Variants in PCMT1 observed in about 807,000 individuals in gnomAD.
PCMT1 encodes protein-L-isoaspartate(D-aspartate) O-methyltransferase.
PCMT1 carries 9 observed loss-of-function variants against 29.2 expected under a neutral mutation model. The observed-to-expected ratio is 0.31, with a 90% CI of 0.19 to 0.54. PCMT1 has a LOEUF of 0.54. PCMT1 is among the 20% of genes least tolerant of loss of function. The pLI is 0.95. For missense variants in PCMT1, 184 were observed against 282.2 expected, an observed-to-expected ratio of 0.65 and a Z score of 2.49; for synonymous variants, 98 against 97.5, an observed-to-expected ratio of 1.00 and a Z score of -0.03.
At chr6:149,798,680 T>C (rs1788709124) in intron 6 of PCMT1, among the ~76,000 whole-genome samples, 1 of 152,126 alleles carries the variant, frequency 6.6e-6, no homozygotes, top group South Asian at 2.1e-4. Context: ...TGTGTGAAGA[T>C]AGAAAGCAGA....
In PCMT1 at chr6:149,763,195, GAT is replaced by G. The variant is rs1171565977; in HGVS notation, c.56-7958_56-7957del. Among the ~76,000 whole-genome samples, 9 of 88,290 alleles carry G rather than the reference GAT, an allele frequency of 1.0e-4. 3 individuals carry two copies. Among genetic ancestry groups the G allele is most frequent in the Non-Finnish European group, 1.5e-4 (8 of 52,918 alleles). The allele number at this position is 88,290 out of a possible 152,430, so 57.9% of individuals were successfully genotyped here. On this transcript the variant is annotated intron_variant, in intron 1 of 7. Coordinates refer to ENST00000464889, the MANE Select transcript of PCMT1 (RefSeq NM_001360452.2). Reference sequence around the variant, plus strand: ...TATGATATATATCTATGATATCTATGATATATATATCTATGATATCTATGATA... The same window carrying G: ...TATGATATATATCTATGATATCTATGATATATATCTATGATATCTATGATA...
At chr6:149,758,208 C>CTTTTTTTTTTTTTTTTTTTTT (rs756014067) in intron 1 of PCMT1, among the ~76,000 whole-genome samples, 18 of 73,894 alleles carry the variant, frequency 2.4e-4, no homozygotes, top group Non-Finnish European at 3.5e-4. Flanking sequence ...TTCTTTCTTT[C>CTTTTTTTTTTTTTTTTTTTTT]TTTTTTTTTT....
chr6:149,789,900 A>T, intron 3 of PCMT1, 54 bp from the exon 4 acceptor site: 1 of 1,174,338 alleles, frequency 8.5e-7, no homozygotes, highest in Non-Finnish European at 1.2e-6. Flanking sequence ...CTTTATTTAT[A>T]TACCATGATG....
chr6:149,802,129 A>G (rs1302625306), intron 6 of PCMT1, 71 bp from the exon 7 acceptor site: 7 of 1,176,792 alleles, frequency 5.9e-6, no homozygotes, highest in Non-Finnish European at 8.2e-6. Context: ...ACCCTGTCTC[A>G]AAAATAAATA....
chr6:149,792,995 T>C (rs1320755367), intron 4 of PCMT1, among the ~76,000 whole-genome samples: 2 of 152,010 alleles, frequency 1.3e-5, no homozygotes, highest in African/African-American at 4.8e-5. Flanking sequence ...ACCCTGTCTC[T>C]ACTAAAAATA....
intron 3 of PCMT1, among the ~76,000 whole-genome samples, chr6:149,779,700 C>T (rs966959227): frequency 1.3e-5 from 2 of 152,060 alleles, no homozygotes; most frequent in East Asian, 3.9e-4. Context: ...ATCCCAGCTA[C>T]TCAGGAGCCT....
intron 1 of PCMT1, among the ~76,000 whole-genome samples, chr6:149,765,442 C>T (rs1472730634): frequency 2.0e-5 from 3 of 149,886 alleles, no homozygotes; most frequent in East Asian, 1.9e-4. Context: ...TATGCTTCTT[C>T]GGGTAGAAAT....
chr6:149,774,186 T>G lies in PCMT1; in HGVS notation c.192+1017T>G, dbSNP rs115334474. Among the ~76,000 whole-genome samples, 369 of 152,186 alleles carry G rather than the reference T, an allele frequency of 2.4e-3. 5 individuals are homozygous for G. Among genetic ancestry groups the G allele is most frequent in the African/African-American group, 8.7e-3 (363 of 41,522 alleles). ...TAGGGTTTAAATGTCAGTATTTGAA[T>G]GAGTACTTTTGTTTTATTTTGTAGG... On this transcript the variant is annotated intron_variant, in intron 3 of 7. Coordinates refer to ENST00000464889, the MANE Select transcript of PCMT1 (RefSeq NM_001360452.2).
At chr6:149,803,052 CAAAAAAAAAAAA>C (rs60853264) in intron 7 of PCMT1, among the ~76,000 whole-genome samples, 3 of 70,570 alleles carry the variant, frequency 4.3e-5, no homozygotes, top group South Asian at 5.4e-4. Flanking sequence ...GGCTCTGTCT[CAAAAAAAAAAAA>C]AAAAAAAAAA....
At chr6:149,787,609 C>T (rs867422347) in intron 3 of PCMT1, among the ~76,000 whole-genome samples, 13 of 152,120 alleles carry the variant, frequency 8.5e-5, no homozygotes, top group East Asian at 1.9e-4. Flanking sequence ...GTCATCTGCC[C>T]GCCTCGGCCT....
chr6:149,779,290 TGA>T (rs1241805574), intron 3 of PCMT1, among the ~76,000 whole-genome samples: 1 of 152,176 alleles, frequency 6.6e-6, no homozygotes, highest in African/African-American at 2.4e-5. Context: ...TAACTGCCTT[TGA>T]TCTCGCTTCT....
chr6:149,759,684 G>A (rs991876709), intron 1 of PCMT1, among the ~76,000 whole-genome samples: 2 of 151,780 alleles, frequency 1.3e-5, no homozygotes, highest in African/African-American at 2.4e-5. Flanking sequence ...TAGTAGAGAC[G>A]GGGTTTCACC....
intron 3 of PCMT1, among the ~76,000 whole-genome samples, chr6:149,775,509 C>T (rs1240698787): frequency 6.6e-6 from 1 of 151,906 alleles, no homozygotes; most frequent in East Asian, 1.9e-4. Flanking sequence ...AGTTTGAGAC[C>T]AGCCTGGGCA....
At chr6:149,771,736 C>T (rs1397848403) in intron 2 of PCMT1, among the ~76,000 whole-genome samples, 2 of 151,920 alleles carry the variant, frequency 1.3e-5, no homozygotes, top group Non-Finnish European at 2.9e-5. Flanking sequence ...AAGCTGGTCT[C>T]GGAACTCCTG....
At chr6:149,779,052 C>T (rs921480974) in intron 3 of PCMT1, among the ~76,000 whole-genome samples, 1 of 152,078 alleles carries the variant, frequency 6.6e-6, no homozygotes, top group Non-Finnish European at 1.5e-5. Context: ...CCCACCCCCC[C>T]ACTCTGGTGC....
intron 1 of PCMT1, among the ~76,000 whole-genome samples, chr6:149,751,779 C>T (rs1786330247): frequency 6.6e-6 from 1 of 151,794 alleles, no homozygotes; most frequent in South Asian, 2.1e-4. Flanking sequence ...CGCGCCAGGC[C>T]GGTACTTGAT....
chr6:149,796,291 C>A, intron 5 of PCMT1, 124 bp from the exon 6 acceptor site: 1 of 528,678 alleles, frequency 1.9e-6, no homozygotes, highest in African/African-American at 1.9e-5. Context: ...AGTGAATATC[C>A]AGTTGTCCCA....
At chr6:149,785,803 A>G (rs1462227690) in intron 3 of PCMT1, among the ~76,000 whole-genome samples, 1 of 152,120 alleles carries the variant, frequency 6.6e-6, no homozygotes, top group Admixed American at 6.5e-5. Flanking sequence ...TCCCATGTCT[A>G]CTTCTTTCTA....
intron 1 of PCMT1, among the ~76,000 whole-genome samples, chr6:149,769,611 G>T (rs1006092515): frequency 7.9e-5 from 12 of 151,684 alleles, no homozygotes; most frequent in African/African-American, 1.2e-4. Flanking sequence ...ACCGTGCCTG[G>T]CCTTGAGACA....
Sources: gnomAD v4.1 joint callset for allele counts (sites outside exome capture counted in the v4.1 genomes callset) on GRCh38, gnomAD v4.1.1 for gene constraint, MANE v1.5 for transcripts, NCBI Gene and HGNC (gene_info 2026-07-23, HGNC 2026-07-21) for gene names.